Variants in LOXHD1 observed in about 807,000 individuals in gnomAD.
LOXHD1 encodes the protein lipoxygenase homology domain-containing protein 1.
In LOXHD1, 205 loss-of-function variants were observed where a neutral mutation model predicts 248.2. The observed-to-expected ratio is 0.83, with a 90% confidence interval of 0.74 to 0.93. The LOEUF (loss-of-function observed/expected upper bound fraction) is 0.93, where lower values mean the gene tolerates loss of function less well. LOXHD1 is among the 40% of genes least tolerant of loss of function. The pLI is 0.00. For missense variants in LOXHD1, 2,930 were observed against 2,971.6 expected (o/e 0.99, Z 0.33); for synonymous variants, 1,113 against 1,162.8 (o/e 0.96, Z 0.87).
At chr18:46,517,596 C>G (rs148425216) in intron 34 of LOXHD1, among the ~76,000 whole-genome samples, 9 of 151,996 alleles carry the variant, frequency 5.9e-5, no homozygotes, top group South Asian at 2.1e-4. Context: ...GTACAAGGAC[C>G]CTTGTCTTCT....
chr18:46,477,326 T>C lies in LOXHD1; in HGVS notation c.*146A>G. On this transcript the variant is annotated 3_prime_UTR_variant, in exon 41 of 41. Coordinates refer to ENST00000642948, the MANE Select transcript of LOXHD1 (RefSeq NM_001384474.1). ...TAGGTTCAATAAACTGGGGGTAGGG[T>C]GGGGAGCAGGACCCCATGAAGTTCT... 9.5e-7 allele frequency: 1 copy of C among 1,049,752 alleles called. No homozygotes were observed. Among genetic ancestry groups the C allele is most frequent in the African/African-American group, 1.6e-5 (1 of 63,624 alleles). The allele number at this position is 1,049,752 out of a possible 1,614,324, so 65.0% of individuals were successfully genotyped here. A position where few individuals can be genotyped will look rare whatever the true frequency, so the allele number is the denominator to read the frequency against.
rs1487809101 is a variant in LOXHD1, at chr18:46,485,036, C to T, written c.6165G>A (p.Arg2055=). ...SKEFLMENSS[R]QRAFRKGTTD... The stretch of plus-strand genomic sequence containing the variant: ...CTTCCTACTTCCTAAAGGCCCGCTG[C>T]CTAGAAGAATTTTCCATGAGAAACT... The change falls in exon 39 of 41, where the codon AGG becomes AGA. Residue 2055 remains arginine, a synonymous_variant. Coordinates refer to ENST00000642948, the MANE Select transcript of LOXHD1 (RefSeq NM_001384474.1). 1.3e-6 allele frequency: 2 copies of T among 1,550,946 alleles called. No homozygotes were observed. Among genetic ancestry groups the T allele is most frequent in the Non-Finnish European group, 1.7e-6 (2 of 1,146,674 alleles).
At chr18:46,529,067 C>T in intron 29 of LOXHD1, 110 bp downstream of exon 29, 1 of 1,348,548 alleles carries the variant, frequency 7.4e-7, no homozygotes, top group Non-Finnish European at 1.0e-6. Flanking sequence ...TGAGTGTGCA[C>T]AATGCCCCAT....
At position 46,569,350 on chromosome 18, in the gene LOXHD1, CTGTGTGTGGACATATG is replaced by C. The variant is rs553800918; in HGVS notation, c.2244+76_2244+91del. 398 of 1,089,436 alleles carry C rather than the reference CTGTGTGTGGACATATG, an allele frequency of 3.7e-4. 1 individual carries two copies. In the African/African-American group the frequency reaches 5.3e-3, roughly 15 times the overall value. 67.5% of individuals were successfully genotyped at this position (1,089,436 alleles called of 1,614,324 possible). A position where few individuals can be genotyped will look rare whatever the true frequency, so the allele number is the denominator to read the frequency against. ...TGTACATGAGTGTGTGCGTGTGTGT[CTGTGTGTGGACATATG>C]TGTGTGTGGACACGTGTGAATGTGT... On this transcript the variant is annotated intron_variant, in intron 16 of 40. Transcript: ENST00000642948.
At chr18:46,539,473 C>T (rs1258938664) in intron 25 of LOXHD1, among the ~76,000 whole-genome samples, 1 of 150,764 alleles carries the variant, frequency 6.6e-6, no homozygotes, top group East Asian at 2.0e-4. Flanking sequence ...AAAAAAAATG[C>T]AGATTTGCAA....
intron 2 of LOXHD1, among the ~76,000 whole-genome samples, chr18:46,648,298 AC>A (rs1291176493): frequency 6.6e-6 from 1 of 151,960 alleles, no homozygotes; most frequent in African/African-American, 2.4e-5. Flanking sequence ...AAACAATCAA[AC>A]AAAAAAAAAC....
intron 33 of LOXHD1, among the ~76,000 whole-genome samples, chr18:46,519,807 G>A (rs933656225): frequency 4.6e-5 from 7 of 152,184 alleles, no homozygotes; most frequent in Non-Finnish European, 8.8e-5. Flanking sequence ...CTTCCAAAAA[G>A]AGACAGAAAC....
chr18:46,604,603 T>C (rs778103891), intron 6 of LOXHD1, among the ~76,000 whole-genome samples: 3 of 152,154 alleles, frequency 2.0e-5, no homozygotes, highest in Admixed American at 6.5e-5. Flanking sequence ...AGGCTGAAGG[T>C]TGGGATTCTG....
At chr18:46,645,589 G>C (rs1024661066) in intron 2 of LOXHD1, among the ~76,000 whole-genome samples, 3 of 152,120 alleles carry the variant, frequency 2.0e-5, no homozygotes, top group African/African-American at 7.2e-5. Context: ...CCAGAAGATG[G>C]GGCCTTCTTC....
In LOXHD1 at chr18:46,497,333, G is replaced by T. The variant is rs1307471669; in HGVS notation, c.5879-8191C>A. 2.0e-5 allele frequency among the ~76,000 whole-genome samples: 3 copies of T among 152,180 alleles called. No homozygotes were observed. The East Asian group carries it at 5.8e-4, about 29-fold the overall frequency. ...GTTGGAGTGGTTTAGAGCTGTCCAC[G>T]GTGCTGAACCCGCCTCTTTCAGATT... On this transcript the variant is annotated intron_variant, in intron 37 of 40. Transcript: ENST00000642948.
intron 19 of LOXHD1, 31 bp downstream of exon 19, chr18:46,560,052 T>TGCCCCCCCCCC: frequency 1.9e-4 from 86 of 441,110 alleles, no homozygotes; most frequent in Non-Finnish European, 2.8e-4. Context: ...GGCCACTCCC[T>TGCCCCCCCCCC]CCCCACCCCC....
intron 1 of LOXHD1, among the ~76,000 whole-genome samples, chr18:46,652,730 A>G (rs568008796): frequency 6.6e-6 from 1 of 152,374 alleles, no homozygotes; most frequent in Admixed American, 6.5e-5. Context: ...GATTTGTAGT[A>G]GCTTGACTTG....
chr18:46,546,777 T>A, intron 22 of LOXHD1, 118 bp downstream of exon 22: 1 of 1,175,546 alleles, frequency 8.5e-7, no homozygotes, highest in Non-Finnish European at 1.2e-6. Context: ...TACAATAGAC[T>A]GTCAAGGGAG....
chr18:46,477,661 CAGCGTCTCCAGGAAGA>C lies in LOXHD1; in HGVS notation c.6617_6632del (p.Phe2206TrpfsTer73). The C allele has an allele frequency of 6.4e-7, 1 of 1,551,850 alleles. No homozygotes were observed. Among genetic ancestry groups the C allele is most frequent in the Non-Finnish European group, 8.7e-7 (1 of 1,147,044 alleles). ...GCACCTTGCGCAGCTCACCCAGCTC[CAGCGTCTCCAGGAAGA>C]AGCGGTCTGTGCTGCCCCGCTCGAA... On this transcript the variant is annotated frameshift_variant, in exon 41 of 41. Transcript: ENST00000642948. LOFTEE classifies it high-confidence loss of function.
At chr18:46,600,316 T>C (rs544910748) in intron 8 of LOXHD1, among the ~76,000 whole-genome samples, 26 of 152,256 alleles carry the variant, frequency 1.7e-4, no homozygotes, top group African/African-American at 5.5e-4. Context: ...TTGACAGTTA[T>C]GGCCAGGAGC....
intron 1 of LOXHD1, among the ~76,000 whole-genome samples, chr18:46,651,961 A>G (rs2144405926): frequency 6.6e-6 from 1 of 152,344 alleles, no homozygotes; most frequent in Non-Finnish European, 1.5e-5. Context: ...TTTATTCCTA[A>G]TAGACCCAAA....
chr18:46,653,407 A>G (rs1238490500), intron 1 of LOXHD1, among the ~76,000 whole-genome samples: 1 of 152,232 alleles, frequency 6.6e-6, no homozygotes, highest in African/African-American at 2.4e-5. Context: ...ATGTAAACGT[A>G]CCTTCATAAG....
chr18:46,505,030 G>A (rs1048552496), intron 37 of LOXHD1, among the ~76,000 whole-genome samples: 11 of 152,236 alleles, frequency 7.2e-5, no homozygotes, highest in African/African-American at 2.6e-4. Flanking sequence ...GAACATGAAC[G>A]TCATCACAGT....
intron 3 of LOXHD1, among the ~76,000 whole-genome samples, chr18:46,641,069 C>G (rs991265317): frequency 7.9e-5 from 12 of 152,164 alleles, no homozygotes; most frequent in African/African-American, 2.9e-4. Context: ...TTTACTCACA[C>G]AATGACACCC....
Sources: gnomAD v4.1 joint callset for allele counts (sites outside exome capture counted in the v4.1 genomes callset) on GRCh38, gnomAD v4.1.1 for gene constraint, MANE v1.5 for transcripts, NCBI Gene and HGNC (gene_info 2026-07-23, HGNC 2026-07-21) for gene names.